The following REEP5 variants were observed in gnomAD, a reference collection of about 807,000 sequenced individuals.
REEP5 encodes the protein receptor expression-enhancing protein 5.
Under a neutral mutation model 22.4 loss-of-function variants are expected in REEP5, and 24 were observed. The ratio of observed to expected loss-of-function variants is 1.07; its 90% CI spans 0.78 to 1.51. REEP5 has a LOEUF of 1.51. REEP5 is among the 40% of genes most tolerant of loss of function. The probability of loss-of-function intolerance (pLI) is 0.00; values close to 1 mark genes in which losing one functional copy is unlikely to be tolerated. For missense variants in REEP5, 252 were observed against 233.0 expected (o/e 1.08, Z -0.53); for synonymous variants, 103 against 88.6 (o/e 1.16, Z -0.92).
In REEP5 at chr5:112,921,258, T is replaced by TG. The variant is rs766978933; in HGVS notation, c.119-3dup. On this transcript the variant is annotated splice_polypyrimidine_tract_variant and splice_region_variant and intron_variant, in intron 1 of 4. Coordinates refer to ENST00000379638, the MANE Select transcript of REEP5 (RefSeq NM_005669.5). ...ACAAGGCCACCAGTCCGATGACACC[T>TG]GGGGACCACAAGGAGAGAAGTGGGT... 9 of 1,613,962 alleles carry TG rather than the reference T, an allele frequency of 5.6e-6. No homozygotes were observed. The highest frequency in any genetic ancestry group is 5.9e-6 in the Non-Finnish European group (7 of 1,179,936).
chr5:112,916,209 T>C (rs1407206138), intron 2 of REEP5, among the ~76,000 whole-genome samples: 1 of 152,234 alleles, frequency 6.6e-6, no homozygotes, highest in East Asian at 1.9e-4. Context: ...CTGTTGCTTT[T>C]ACTTGTGGTT....
At chr5:112,886,285 A>G (rs1768241192) in intron 4 of REEP5, among the ~76,000 whole-genome samples, 1 of 152,328 alleles carries the variant, frequency 6.6e-6, no homozygotes, top group African/African-American at 2.4e-5. Context: ...CAGCAGTCCA[A>G]GGTATTCGAT....
At chr5:112,917,719 C>T (rs1769261884) in intron 2 of REEP5, among the ~76,000 whole-genome samples, 1 of 152,144 alleles carries the variant, frequency 6.6e-6, no homozygotes, top group East Asian at 1.9e-4. Context: ...CTTATTTGTG[C>T]AATCCCATTA....
chr5:112,888,346 T>C (rs1768325121), intron 3 of REEP5, among the ~76,000 whole-genome samples: 1 of 152,230 alleles, frequency 6.6e-6, no homozygotes, highest in African/African-American at 2.4e-5. Context: ...CAGCACCATG[T>C]TGGCTCTGAG....
intron 3 of REEP5, among the ~76,000 whole-genome samples, chr5:112,891,057 T>C (rs1768428026): frequency 6.6e-6 from 1 of 150,410 alleles, no homozygotes; most frequent in Admixed American, 6.6e-5. Context: ...ACCAAAAATA[T>C]TTAAGCAAAT....
intron 3 of REEP5, chr5:112,896,497 C>T (rs1050988044): frequency 6.6e-6 from 1 of 151,636 alleles, no homozygotes; most frequent in Non-Finnish European, 1.5e-5. Flanking sequence ...CACTCCACTC[C>T]AGCCTGAGTG....
At position 112,902,472 on chromosome 5, in the gene REEP5, G is replaced by T. The variant is rs769833923; in HGVS notation, c.259C>A (p.Leu87Met). 8.4e-5 allele frequency: 135 copies of T among 1,610,712 alleles called. No individual in the cohort carries two copies. Among genetic ancestry groups the T allele is most frequent in the Admixed American group, 1.2e-4 (7 of 59,384 alleles). Residue 87 changes from leucine to methionine, a missense_variant, in exon 3 of 5, where the codon CTG becomes ATG. By Grantham distance (15) the Leu-to-Met change is conservative. Coordinates refer to ENST00000379638, the MANE Select transcript of REEP5 (RefSeq NM_005669.5). ...ACACCATACACTACCCAGTAGGTCA[G>T]CCACTGGGTATCATCTTCTTTGTTG... The part of the protein sequence containing the change: ...SPNKEDDTQW[L>M]TYWVVYGVFS...
chr5:112,889,912 C>T (rs1306819731), intron 3 of REEP5, among the ~76,000 whole-genome samples: 1 of 149,714 alleles, frequency 6.7e-6, no homozygotes, highest in African/African-American at 2.5e-5. Context: ...CTGCAACCTC[C>T]GCCTCCCGGA....
At position 112,922,120 on chromosome 5, in the gene REEP5, G is replaced by A. The variant is rs1412478397; in HGVS notation, c.71C>T (p.Ala24Val). ...CACGCCGGTTTTGGCCTCGAGCTTG[G>A]CCAGAAGGTCAGTCATGCAGTTCTT... is the stretch of plus-strand genomic sequence containing the variant. ...HEKNCMTDLLAKLEAKTGVNR... is the reference protein window; with the variant it reads ...HEKNCMTDLLVKLEAKTGVNR... The change falls in exon 1 of 5, where the codon GCC becomes GTC. Residue 24 changes from alanine to valine, a missense_variant. By Grantham distance (64) the Ala-to-Val change is moderately conservative. Transcript: ENST00000379638. The A allele has an allele frequency of 7.5e-6, 12 of 1,605,830 alleles. No homozygotes were observed. Among genetic ancestry groups the A allele is most frequent in the African/African-American group, 1.3e-5 (1 of 74,132 alleles).
At chr5:112,900,186 ATTTTCT>A (rs1308118303) in intron 3 of REEP5, among the ~76,000 whole-genome samples, 2 of 151,614 alleles carry the variant, frequency 1.3e-5, no homozygotes, top group Non-Finnish European at 2.9e-5. Context: ...ACCTTTTCCC[ATTTTCT>A]TTTTCTTTTT....
At chr5:112,881,150 AAG>A (rs1768065299) in intron 4 of REEP5, among the ~76,000 whole-genome samples, 1 of 151,356 alleles carries the variant, frequency 6.6e-6, no homozygotes, top group East Asian at 1.9e-4. Context: ...AAAAAAAAAA[AAG>A]CTGGCAATCC....
intron 2 of REEP5, among the ~76,000 whole-genome samples, chr5:112,905,176 A>G (rs534052435): frequency 2.0e-5 from 3 of 152,340 alleles, no homozygotes; most frequent in African/African-American, 7.2e-5. Flanking sequence ...GGTCTAGCTC[A>G]CTCAGGAACG....
Position 112,878,421 on chromosome 5 carries a change from C to G in REEP5, c.*365G>C, listed in dbSNP as rs560069852. On this transcript the variant is annotated 3_prime_UTR_variant, in exon 5 of 5. Coordinates refer to ENST00000379638, the MANE Select transcript of REEP5 (RefSeq NM_005669.5). ...CAGGAAGTAGAACCATAAAGATTAT[C>G]CTAAATGTAACTACAGAGAAAATGC... is the stretch of plus-strand genomic sequence containing the variant. 9 of 210,394 alleles carry G rather than the reference C, an allele frequency of 4.3e-5. No homozygotes were observed. Among genetic ancestry groups the G allele is most frequent in the South Asian group, 1.4e-4 (1 of 7,332 alleles). 13.0% of individuals were successfully genotyped at this position (210,394 alleles called of 1,614,324 possible).
intron 2 of REEP5, among the ~76,000 whole-genome samples, chr5:112,910,590 A>G (rs1229539551): frequency 6.6e-6 from 1 of 152,150 alleles, no homozygotes; most frequent in Non-Finnish European, 1.5e-5. Context: ...TGTCCCCATA[A>G]ATCTAGATAC....
intron 2 of REEP5, among the ~76,000 whole-genome samples, chr5:112,908,030 T>TA (rs971825110): frequency 2.0e-5 from 3 of 150,398 alleles, no homozygotes; most frequent in African/African-American, 7.3e-5. Flanking sequence ...TAAAATTGAT[T>TA]AAAAAAAGAA....
At chr5:112,905,310 G>A (rs1768931086) in intron 2 of REEP5, among the ~76,000 whole-genome samples, 3 of 152,228 alleles carry the variant, frequency 2.0e-5, no homozygotes, top group Admixed American at 2.0e-4. Flanking sequence ...GGAGGCCGAG[G>A]TGGGCAGATC....
At position 112,921,239 on chromosome 5, in the gene REEP5, C is replaced by A. The variant is rs1401240312; in HGVS notation, c.136G>T (p.Ala46Ser). Residue 46 changes from alanine (A) to serine (S), a missense_variant, in exon 2 of 5, where the codon GCC (alanine) becomes TCC (serine). Ala to Ser is a moderately conservative substitution (Grantham distance 99). Coordinates refer to ENST00000379638, the MANE Select transcript of REEP5 (RefSeq NM_005669.5). ...CCATAACCGAACACCAGGTACAAGG[C>A]CACCAGTCCGATGACACCTGGGGAC... is the stretch of plus-strand genomic sequence containing the variant. ...FIALGVIGLV[A>S]LYLVFGYGAS... 6.2e-7 allele frequency: 1 copy of A among 1,614,004 alleles called. No individual in the cohort carries two copies. Among genetic ancestry groups the A allele is most frequent in the Non-Finnish European group, 8.5e-7 (1 of 1,180,028 alleles).
intron 2 of REEP5, among the ~76,000 whole-genome samples, chr5:112,911,643 C>A (rs1443667244): frequency 6.6e-6 from 1 of 152,174 alleles, no homozygotes; most frequent in African/African-American, 2.4e-5. Context: ...AACTGTACAA[C>A]CTTTTTATAT....
intron 3 of REEP5, among the ~76,000 whole-genome samples, chr5:112,899,559 C>T (rs897164222): frequency 1.3e-5 from 2 of 152,012 alleles, no homozygotes; most frequent in Non-Finnish European, 2.9e-5. Context: ...AACCATTTAC[C>T]TGCTGATGGA....
Sources: gnomAD v4.1 joint callset for allele counts (sites outside exome capture counted in the v4.1 genomes callset) on GRCh38, gnomAD v4.1.1 for gene constraint, MANE v1.5 for transcripts, NCBI Gene and HGNC (gene_info 2026-07-23, HGNC 2026-07-21) for gene names.